ARMC5: variants seen among roughly 807,000 people sequenced by gnomAD.
The protein encoded by ARMC5 is armadillo repeat containing 5.
ARMC5 carries 28 observed loss-of-function variants against 60.5 expected under a neutral mutation model. The ratio of observed to expected loss-of-function variants is 0.46; its 90% CI spans 0.34 to 0.63. ARMC5 has a LOEUF of 0.63. Ranked by LOEUF, ARMC5 falls within the 30% of genes least tolerant of loss-of-function variation. The pLI is 0.01. For synonymous variants in ARMC5, 680 were observed against 607.3 expected, an observed-to-expected ratio of 1.12 and a Z score of -1.76; for missense variants, 1,189 against 1,304.9, an observed-to-expected ratio of 0.91 and a Z score of 1.37.
chr16:31,460,171 T>G (rs1256565739), intron 1 of ARMC5, 172 bp downstream of exon 1: 4 of 647,982 alleles, frequency 6.2e-6, no homozygotes, highest in Non-Finnish European at 1.0e-5. Context: ...GCACTCTCTA[T>G]AGATGAGAGA....
At chr16:31,458,559 T>G (rs2082267047), upstream of ARMC5, 1 of 1,513,322 alleles carries the variant, frequency 6.6e-7, no homozygotes, top group Non-Finnish European at 8.9e-7. Context: ...GGAGGCAGGC[T>G]GTGGTCAGTC....
Position 31,459,515 on chromosome 16 carries a change from C to G in ARMC5, c.-10C>G. On this transcript the variant is annotated 5_prime_UTR_variant, in exon 1 of 6. Transcript: ENST00000268314. ...CGAGAAGCGGGGCGGAGTCTGAGGCCCGAGCCAAGATGGCGGCTGCGAAGC... is the reference window on the plus strand; with the variant it reads ...CGAGAAGCGGGGCGGAGTCTGAGGCGCGAGCCAAGATGGCGGCTGCGAAGC... 1.3e-6 allele frequency: 2 copies of G among 1,598,034 alleles called. No individual in the cohort carries two copies. The highest frequency in any genetic ancestry group is 2.3e-5 in the South Asian group (2 of 88,608).
In ARMC5 at chr16:31,462,290, C is replaced by G. The variant is rs765010110; in HGVS notation, c.743C>G (p.Thr248Ser). The change falls in exon 3 of 6, where the codon ACT becomes AGT. Residue 248 changes from threonine (T) to serine (S), a missense_variant. Coordinates refer to ENST00000268314, the MANE Select transcript of ARMC5 (RefSeq NM_001105247.2). This position sits in a 1 kb window ranked among gnomAD's most constrained non-coding sequence, Gnocchi z 7.2. Reference protein sequence around the residue: ...AVRPLAELLATAPDAALTLAL... With the variant: ...AVRPLAELLASAPDAALTLAL... ...CGTCCGCTGGCCGAGCTCCTGGCCA[C>G]TGCCCCAGATGCTGCACTGACCTTA... is the stretch of plus-strand genomic sequence containing the variant. 21 of 1,609,960 alleles carry G rather than the reference C, an allele frequency of 1.3e-5. No homozygotes were observed. The highest frequency in any genetic ancestry group is 5.0e-5 in the Admixed American group (3 of 59,998).
rs2082366762 is a variant in ARMC5, at chr16:31,466,943, C to T, written c.*54C>T. On this transcript the variant is annotated 3_prime_UTR_variant, in exon 6 of 6. Coordinates refer to ENST00000268314, the MANE Select transcript of ARMC5 (RefSeq NM_001105247.2). The surrounding 1 kb of genome is among the most constrained non-coding windows in gnomAD (Gnocchi z 8.0). The stretch of plus-strand genomic sequence containing the variant: ...CAAGGATGAATTGGCTGTGAAGGAT[C>T]CTCCCTGAGACTGGCAAGGGAGGAG... 1 of 1,456,364 alleles carries T rather than the reference C, an allele frequency of 6.9e-7. No homozygotes were observed. The allele number at this position is 1,456,364 out of a possible 1,614,324, so 90.2% of individuals were successfully genotyped here. A position where few individuals can be genotyped will look rare whatever the true frequency, so the allele number is the denominator to read the frequency against.
At chr16:31,458,335 G>T (rs1020419615), upstream of ARMC5, 26 of 1,433,722 alleles carry the variant, frequency 1.8e-5, no homozygotes, top group East Asian at 6.5e-4. Flanking sequence ...GCTGGTGCTG[G>T]ATCAGGTTGG....
In ARMC5 at chr16:31,462,114, C is replaced by T; in HGVS notation, c.584-17C>T. The T allele has an allele frequency of 3.7e-6, 6 of 1,612,008 alleles. No individual in the cohort carries two copies. The highest frequency in any genetic ancestry group is 5.1e-6 in the Non-Finnish European group (6 of 1,178,714). ...CTGTCCTTGTTCACCCTCTGTGCTC[C>T]CCTTTCCTGCCCTCAGGTGCTGTTC... On this transcript the variant is annotated splice_polypyrimidine_tract_variant and intron_variant, in intron 2 of 5. Transcript: ENST00000268314. The surrounding 1 kb of genome is among the most constrained non-coding windows in gnomAD (Gnocchi z 7.2).
In ARMC5 at chr16:31,466,135, T is replaced by C; in HGVS notation, c.2054T>C (p.Leu685Pro). ...LLEQGGLRLL[L>P]AALTRPAPHP... ...GAGCAGGGTGGTCTCCGGCTCCTCC[T>C]TGCGGCGCTGACCCGGCCGGCCCCA... is the stretch of plus-strand genomic sequence containing the variant. The change falls in exon 6 of 6, where the codon CTT becomes CCT. Residue 685 changes from leucine (L) to proline (P), a missense_variant. By Grantham distance (98) the Leu-to-Pro change is moderately conservative. Around this residue, in one of 2 missense-constraint regions of ARMC5, gnomAD observed 862 missense variants for 1,071.2 expected, o/e 0.80. Transcript: ENST00000268314. The surrounding 1 kb of genome is among the most constrained non-coding windows in gnomAD (Gnocchi z 8.0). 1.2e-6 allele frequency: 2 copies of C among 1,605,140 alleles called. No homozygotes were observed. The highest frequency in any genetic ancestry group is 1.7e-6 in the Non-Finnish European group (2 of 1,179,722).
chr16:31,465,120 C>A lies in ARMC5; in HGVS notation c.1864+233C>A, dbSNP rs746246701. On this transcript the variant is annotated intron_variant, in intron 4 of 5. Transcript: ENST00000268314. ...TAGCCCTGGGACCCAGATACCCTAA[C>A]TCTAGATGCAGCCCCGCGCCCAGGA... 2.7e-5 allele frequency: 44 copies of A among 1,613,910 alleles called. No homozygotes were observed. The South Asian group carries it at 4.7e-4, about 17-fold the overall frequency.
At position 31,464,585 on chromosome 16, in the gene ARMC5, G is replaced by T. The variant is rs768001866; in HGVS notation, c.1562G>T (p.Arg521Leu). The stretch of plus-strand genomic sequence containing the variant: ...GCCGCCATCGAGGAGCCTTGGGGAC[G>T]CGAAGGGCCAGCCCTGCTGCTGCTG... ...PAAAIEEPWG[R>L]EGPALLLLSR... Residue 521 changes from arginine to leucine, a missense_variant, in exon 4 of 6, where the codon CGC becomes CTC. Physicochemically the swap from Arg to Leu is moderately radical, Grantham distance 102. Around this residue, in one of 2 missense-constraint regions of ARMC5, gnomAD observed 862 missense variants for 1,071.2 expected, o/e 0.80. Coordinates refer to ENST00000268314, the MANE Select transcript of ARMC5 (RefSeq NM_001105247.2). This position sits in a 1 kb window ranked among gnomAD's most constrained non-coding sequence, Gnocchi z 7.6. The T allele has an allele frequency of 3.8e-6, 6 of 1,584,758 alleles. No individual in the cohort carries two copies. In the East Asian group the frequency reaches 1.1e-4, roughly 30 times the overall value.
chr16:31,462,802 C>A lies in ARMC5; in HGVS notation c.1255C>A (p.Gln419Lys). The A allele has an allele frequency of 1.2e-6, 2 of 1,613,996 alleles. No homozygotes were observed. The highest frequency in any genetic ancestry group is 1.7e-6 in the Non-Finnish European group (2 of 1,180,018). ...ALGLVPLLAG[Q>K]LCGEAGEEEE... ...GGGACTTGTGCCTCTCCTGGCTGGG[C>A]AGCTGTGTGGTGAGGCTGGTGAGGA... Residue 419 changes from glutamine (Q) to lysine (K), a missense_variant, in exon 3 of 6, where the codon CAG becomes AAG. Physicochemically the swap from Gln to Lys is moderately conservative, Grantham distance 53. Transcript: ENST00000268314. The surrounding 1 kb of genome is among the most constrained non-coding windows in gnomAD (Gnocchi z 7.2).
chr16:31,466,439 G>C lies in ARMC5; in HGVS notation c.2358G>C (p.Gln786His), dbSNP rs764001820. ...ALLSGSFAEA[Q>H]MDLVPLRGLS... The stretch of plus-strand genomic sequence containing the variant: ...TGTCAGGCAGCTTTGCAGAAGCCCA[G>C]ATGGACCTGGTGCCCCTGCGAGGTC... Residue 786 changes from glutamine to histidine, a missense_variant, in exon 6 of 6, where the codon CAG becomes CAC. By Grantham distance (24) the Gln-to-His change is conservative. This residue lies in a region of ARMC5 where 862 missense variants were observed against 1,071.2 expected (regional missense o/e 0.80). Transcript: ENST00000268314. This position sits in a 1 kb window ranked among gnomAD's most constrained non-coding sequence, Gnocchi z 8.0. The C allele has an allele frequency of 2.5e-6, 4 of 1,611,970 alleles. No individual in the cohort carries two copies. In the South Asian group the frequency reaches 4.4e-5, roughly 18 times the overall value.
At chr16:31,461,840 C>T (rs2082306031) in intron 1 of ARMC5, 82 bp from the exon 2 acceptor site, 1 of 1,321,240 alleles carries the variant, frequency 7.6e-7, no homozygotes, top group East Asian at 2.3e-5. Context: ...CCTTCCAGGC[C>T]CTCTCAGGCC....
At chr16:31,458,804 C>G, upstream of ARMC5, 1 of 1,529,746 alleles carries the variant, frequency 6.5e-7, no homozygotes, top group Non-Finnish European at 8.7e-7. Flanking sequence ...TCCCTCGCCT[C>G]TTCTGGCGCG....
Position 31,462,615 on chromosome 16 carries a change from T to C in ARMC5, c.1068T>C (p.Cys356=). The C allele has an allele frequency of 1.2e-6, 2 of 1,613,528 alleles. No individual in the cohort carries two copies. Among genetic ancestry groups the C allele is most frequent in the Non-Finnish European group, 1.7e-6 (2 of 1,180,004 alleles). The part of the protein sequence containing the change: ...QPLVRAVCLL[C]REAINRARLR... ...TGGTGCGGGCTGTGTGCCTCCTATG[T>C]CGTGAGGCCATCAACCGGGCCCGAC... Residue 356 remains cysteine, a synonymous_variant, in exon 3 of 6, where the codon TGT becomes TGC. Coordinates refer to ENST00000268314, the MANE Select transcript of ARMC5 (RefSeq NM_001105247.2). The surrounding 1 kb of genome is among the most constrained non-coding windows in gnomAD (Gnocchi z 7.2).
At position 31,462,885 on chromosome 16, in the gene ARMC5, G is replaced by A. The variant is rs1270871092; in HGVS notation, c.1338G>A (p.Glu446=). The part of the protein sequence containing the change: ...SWDFPEERTP[E]RAQGGSFRSL... The stretch of plus-strand genomic sequence containing the variant: ...ACTTTCCTGAGGAGAGGACCCCTGA[G>A]CGGGCACAGGGTGGAAGCTTCCGGA... The change falls in exon 3 of 6, where the codon GAG becomes GAA. Residue 446 remains glutamate, a synonymous_variant. Coordinates refer to ENST00000268314, the MANE Select transcript of ARMC5 (RefSeq NM_001105247.2). This position sits in a 1 kb window ranked among gnomAD's most constrained non-coding sequence, Gnocchi z 7.2. 1 of 1,610,136 alleles carries A rather than the reference G, an allele frequency of 6.2e-7. No homozygotes were observed. Among genetic ancestry groups the A allele is most frequent in the East Asian group, 2.2e-5 (1 of 44,834 alleles).
At chr16:31,459,127 G>A (rs530259320), upstream of ARMC5, 912 of 1,489,682 alleles carry the variant, frequency 6.1e-4, 8 homozygotes, top group African/African-American at 0.012. Flanking sequence ...AGCGAGCCTA[G>A]AGGAGAAAAG....
chr16:31,459,776 G>C lies in ARMC5; in HGVS notation c.252G>C (p.Pro84=), dbSNP rs765712803. Residue 84 remains proline, a synonymous_variant, in exon 1 of 6, where the codon CCG becomes CCC. Transcript: ENST00000268314. ...LRRAAAAGSA[P]SQAGPGSAPS... The stretch of plus-strand genomic sequence containing the variant: ...GAGCGGCTGCAGCGGGTTCCGCCCC[G>C]TCCCAGGCAGGCCCCGGCTCCGCCC... 8.4e-6 allele frequency: 13 copies of C among 1,540,938 alleles called. No homozygotes were observed. The highest frequency in any genetic ancestry group is 8.7e-6 in the Non-Finnish European group (10 of 1,150,406).
At chr16:31,465,238 C>T in intron 4 of ARMC5, 1 of 1,544,062 alleles carries the variant, frequency 6.5e-7, no homozygotes, top group Non-Finnish European at 8.8e-7. Flanking sequence ...TGAACCCCAG[C>T]CTCACCATCA....
chr16:31,462,282 C>T lies in ARMC5; in HGVS notation c.735C>T (p.Leu245=). 4 of 1,609,886 alleles carry T rather than the reference C, an allele frequency of 2.5e-6. No homozygotes were observed. Among genetic ancestry groups the T allele is most frequent in the Non-Finnish European group, 2.5e-6 (3 of 1,179,972 alleles). Residue 245 remains leucine (L), a synonymous_variant, in exon 3 of 6, where the codon CTC becomes CTT. Transcript: ENST00000268314. The surrounding 1 kb of genome is among the most constrained non-coding windows in gnomAD (Gnocchi z 7.2). ...GAGCAGTGCGTCCGCTGGCCGAGCT[C>T]CTGGCCACTGCCCCAGATGCTGCAC... ...QQGAVRPLAE[L]LATAPDAALT...
Sources: allele counts gnomAD v4.1 joint callset, GRCh38; gene constraint gnomAD v4.1.1; regional missense constraint gnomAD v4.1.1; non-coding constraint Gnocchi (gnomAD v3.1); transcripts MANE v1.5; gene names NCBI Gene and HGNC (gene_info 2026-07-23, HGNC 2026-07-21).